Variants in GSTM2 observed in about 807,000 individuals in gnomAD.
GSTM2 encodes GST class-mu 2.
A neutral mutation model predicts 33.3 loss-of-function variants in GSTM2; 33 were observed. The observed-to-expected ratio is 0.99, with a 90% CI of 0.75 to 1.33. The LOEUF is 1.33. GSTM2 is among the 40% of genes most tolerant of loss of function. The pLI is 0.00. For missense variants in GSTM2, 213 were observed against 265.8 expected (o/e 0.80, Z 1.38); for synonymous variants, 93 against 95.6 (o/e 0.97, Z 0.16).
chr1:109,677,594 A>G (rs71663088), downstream of GSTM2, among the ~76,000 whole-genome samples: 3 of 152,214 alleles, frequency 2.0e-5, no homozygotes, highest in African/African-American at 4.8e-5. Context: ...GAAAATCAGG[A>G]GAGGGAAATG....
At chr1:109,674,344 G>A (rs1048409346) in intron 7 of GSTM2, among the ~76,000 whole-genome samples, 1 of 151,886 alleles carries the variant, frequency 6.6e-6, no homozygotes, top group African/African-American at 2.4e-5. Context: ...ACAGAACCAG[G>A]CTACATTGAA....
intron 5 of GSTM2, chr1:109,671,048 T>G: frequency 5.7e-6 from 3 of 522,706 alleles, no homozygotes; most frequent in East Asian, 6.3e-5. Flanking sequence ...TGGGGACAGA[T>G]TTAGGGACAG....
Position 109,673,147 on chromosome 1 carries a change from A to G in GSTM2, c.567+1564A>G, listed in dbSNP as rs1647605244. The G allele has an allele frequency of 3.8e-6, 6 of 1,595,166 alleles. 1 individual carries two copies. The highest frequency in any genetic ancestry group is 3.4e-5 in the South Asian group (3 of 89,008). ...AGCCTCCCTAAGTGCTGGGATTACA[A>G]GCGTGAGCCACCGCGCCTGGCCTCT... On this transcript the variant is annotated intron_variant, in intron 7 of 7. Transcript: ENST00000241337.
chr1:109,668,866 C>T (rs1570626812), intron 2 of GSTM2, 59 bp from the exon 3 acceptor site: 3 of 1,606,766 alleles, frequency 1.9e-6, no homozygotes. Flanking sequence ...GGGAGGGTCC[C>T]CAGGAAGGAG....
At chr1:109,682,477 T>A (rs1318784632) in intron 7 of GSTM2, among the ~76,000 whole-genome samples, 1 of 94,762 alleles carries the variant, frequency 1.1e-5, no homozygotes, top group Non-Finnish European at 2.7e-5. Flanking sequence ...CCTGACCTCG[T>A]GATCCGCCCG....
At chr1:109,668,395 C>G in intron 1 of GSTM2, 30 bp from the exon 2 acceptor site, 1 of 1,611,446 alleles carries the variant, frequency 6.2e-7, no homozygotes, top group Non-Finnish European at 8.5e-7. Context: ...CCCTCCATCT[C>G]TGACCCGAGC....
At position 109,668,166 on chromosome 1, in the gene GSTM2, G is replaced by A. The variant is rs1443028038; in HGVS notation, c.36+15G>A. On this transcript the variant is annotated intron_variant, in intron 1 of 7. Coordinates refer to ENST00000241337, the MANE Select transcript of GSTM2 (RefSeq NM_000848.4). ...ACATCCGCGGGGTGAGCCAGGGTCC[G>A]CTGGGCGGTGGGACGGGGGTGCGTG... 3 of 1,610,022 alleles carry A rather than the reference G, an allele frequency of 1.9e-6. No homozygotes were observed. In the East Asian group the frequency reaches 6.7e-5, roughly 36 times the overall value.
At chr1:109,682,243 TTTTG>T (rs1040239991) in intron 7 of GSTM2, among the ~76,000 whole-genome samples, 2 of 31,716 alleles carry the variant, frequency 6.3e-5, no homozygotes, top group Non-Finnish European at 1.7e-4. Context: ...TTTTGTTTTG[TTTTG>T]TTTTTGTTTT....
intron 3 of GSTM2, 74 bp from the exon 4 acceptor site, chr1:109,669,216 C>T: frequency 5.2e-6 from 8 of 1,543,492 alleles, no homozygotes; most frequent in Non-Finnish European, 6.3e-6. Context: ...CTCCTCTTTG[C>T]CCTTGCATAT....
At chr1:109,679,745 G>T (rs564869488), downstream of GSTM2, among the ~76,000 whole-genome samples, 3 of 152,334 alleles carry the variant, frequency 2.0e-5, 1 homozygote, top group Non-Finnish European at 4.4e-5. Flanking sequence ...GGCATAATGT[G>T]ATGGTTAGTT....
chr1:109,677,966 G>A (rs71663093), downstream of GSTM2, among the ~76,000 whole-genome samples: 3 of 152,072 alleles, frequency 2.0e-5, no homozygotes, highest in East Asian at 1.9e-4. Context: ...TTTGCATATC[G>A]CCTAGGACAG....
chr1:109,668,568 C>A (rs1040489563), intron 2 of GSTM2, 68 bp downstream of exon 2: 2 of 1,544,056 alleles, frequency 1.3e-6, no homozygotes, highest in South Asian at 1.1e-5. Flanking sequence ...CCGATAGTGG[C>A]CACCTGTGGC....
intron 7 of GSTM2, among the ~76,000 whole-genome samples, chr1:109,682,536 T>C (rs1302304583): frequency 8.7e-6 from 1 of 115,308 alleles, no homozygotes; most frequent in Non-Finnish European, 2.2e-5. Context: ...TTACCTAACT[T>C]TTAACAGAAT....
downstream of GSTM2, among the ~76,000 whole-genome samples, chr1:109,675,738 A>T (rs1355396946): frequency 6.6e-6 from 1 of 151,988 alleles, no homozygotes; most frequent in Non-Finnish European, 1.5e-5. Flanking sequence ...GGCTTGCTGC[A>T]CAGCTGTCAT....
chr1:109,668,136 C>G lies in GSTM2; in HGVS notation c.21C>G (p.Tyr7Ter), dbSNP rs1205740858. Residue 7 changes from tyrosine (Y) to a stop codon, truncating the protein, a stop_gained, in exon 1 of 8, where the codon TAC becomes TAG. Coordinates refer to ENST00000241337, the MANE Select transcript of GSTM2 (RefSeq NM_000848.4). LOFTEE classifies it high-confidence loss of function. MPMTLG[Y>*]WNIRGLAHSI... ...GCACCATGCCCATGACACTGGGGTACTGGAACATCCGCGGGGTGAGCCAGG... is the reference window on the plus strand; with the variant it reads ...GCACCATGCCCATGACACTGGGGTAGTGGAACATCCGCGGGGTGAGCCAGG... 12 of 1,613,792 alleles carry G rather than the reference C, an allele frequency of 7.4e-6. No homozygotes were observed. The highest frequency in any genetic ancestry group is 1.0e-5 in the Non-Finnish European group (12 of 1,179,776).
intron 5 of GSTM2, chr1:109,669,871 G>A (rs1218347983): frequency 1.2e-5 from 4 of 330,804 alleles, no homozygotes; most frequent in African/African-American, 4.2e-5. Context: ...TCTTAAAGGT[G>A]GCGCGTCTGG....
chr1:109,668,580 G>A (rs1171495571), intron 2 of GSTM2, 80 bp downstream of exon 2: 1 of 1,468,978 alleles, frequency 6.8e-7, no homozygotes, highest in Non-Finnish European at 9.5e-7. Flanking sequence ...ACCTGTGGCT[G>A]ACTCTGCAGG....
chr1:109,668,673 T>C lies in GSTM2; in HGVS notation c.112+173T>C, dbSNP rs1331999458. On this transcript the variant is annotated intron_variant, in intron 2 of 7. Transcript: ENST00000241337. ...TGCAAGGCAGAATGCTGGGGCGGGA[T>C]GCTGGGCCCCCGTCTGGGTAATTAT... is the stretch of plus-strand genomic sequence containing the variant. 5.9e-6 allele frequency: 5 copies of C among 854,518 alleles called. No homozygotes were observed. In the African/African-American group the frequency reaches 6.7e-5, roughly 11 times the overall value. 52.9% of individuals were successfully genotyped at this position (854,518 alleles called of 1,614,324 possible). A position where few individuals can be genotyped will look rare whatever the true frequency, so the allele number is the denominator to read the frequency against.
intron 7 of GSTM2, among the ~76,000 whole-genome samples, chr1:109,674,332 A>G (rs2101256758): frequency 6.6e-6 from 1 of 152,006 alleles, no homozygotes; most frequent in African/African-American, 2.4e-5. Flanking sequence ...AACTGGAGAG[A>G]GACAGAACCA....
Sources: allele counts gnomAD v4.1 joint callset (sites outside exome capture counted in the v4.1 genomes callset), GRCh38; gene constraint gnomAD v4.1.1; transcripts MANE v1.5; gene names NCBI Gene and HGNC (gene_info 2026-07-23, HGNC 2026-07-21).